The following CHD3 variants were observed in gnomAD, a reference collection of about 807,000 sequenced individuals.
The protein encoded by CHD3 is chromodomain helicase DNA binding protein 3.
CHD3 carries 52 observed loss-of-function variants against 248.9 expected under a neutral mutation model. That is an observed-to-expected ratio of 0.21 (90% CI 0.17 to 0.26). CHD3 has a LOEUF of 0.26. CHD3 is among the 10% of genes least tolerant of loss of function. The pLI, the probability that CHD3 is intolerant of heterozygous loss-of-function variation, is 1.00. For missense variants in CHD3, 1,482 were observed against 2,605.8 expected, an observed-to-expected ratio of 0.57 and a Z score of 9.39; for synonymous variants, 985 against 985.2, an observed-to-expected ratio of 1.00 and a Z score of 0.00.
In CHD3 at chr17:7,904,046, G is replaced by A. The variant is rs187467817; in HGVS notation, c.3894+55G>A. ...TATCCCAGGCCATCTCCAAAAGGCA[G>A]TATCCTTTACTCAGCCTTGAAGTAG... On this transcript the variant is annotated intron_variant, in intron 24 of 39. Coordinates refer to ENST00000330494, the MANE Select transcript of CHD3 (RefSeq NM_001005273.3). The surrounding 1 kb of genome is among the most constrained non-coding windows in gnomAD (Gnocchi z 4.4). The A allele has an allele frequency of 4.4e-6, 7 of 1,579,490 alleles. No homozygotes were observed. The highest frequency in any genetic ancestry group is 6.1e-6 in the Non-Finnish European group (7 of 1,155,358).
In CHD3 at chr17:7,895,042, C is replaced by T. The variant is rs759896915; in HGVS notation, c.1395C>T (p.Gly465=). 3.7e-6 allele frequency: 6 copies of T among 1,614,064 alleles called. No homozygotes were observed. The highest frequency in any genetic ancestry group is 2.2e-5 in the East Asian group (1 of 44,862). ...HMEYCRVCKD[G]GELLCCDACI... is the part of the protein sequence containing the mutation. Reference sequence around the variant, plus strand: ...AGTACTGCCGCGTATGCAAGGACGGCGGGGAGCTCCTGTGCTGTGACGCGT... The same window carrying T: ...AGTACTGCCGCGTATGCAAGGACGGTGGGGAGCTCCTGTGCTGTGACGCGT... The change falls in exon 9 of 40, where the codon GGC becomes GGT. Residue 465 remains glycine (G), a synonymous_variant. Coordinates refer to ENST00000330494, the MANE Select transcript of CHD3 (RefSeq NM_001005273.3). The surrounding 1 kb of genome is among the most constrained non-coding windows in gnomAD (Gnocchi z 4.9).
chr17:7,891,522 G>C (rs1448859813), intron 4 of CHD3, among the ~76,000 whole-genome samples: 1 of 152,148 alleles, frequency 6.6e-6, no homozygotes, highest in East Asian at 1.9e-4. Flanking sequence ...TGGGACCTGA[G>C]CTTCAGTGGC....
At chr17:7,885,102 TCC>T, upstream of CHD3, 1 of 953,852 alleles carries the variant, frequency 1.0e-6, no homozygotes, top group Non-Finnish European at 1.2e-6. Flanking sequence ...CCGCCCCGAC[TCC>T]CCCCCCAAGC....
chr17:7,889,019 G>C lies in CHD3; in HGVS notation c.19G>C (p.Val7Leu), dbSNP rs773279100. The C allele has an allele frequency of 1.2e-6, 2 of 1,614,250 alleles. No homozygotes were observed. Among genetic ancestry groups the C allele is most frequent in the Admixed American group, 3.3e-5 (2 of 60,036 alleles). The stretch of plus-strand genomic sequence containing the variant: ...CTGTGTGATGAAGGCGGCAGACACT[G>C]TGATCCTGTGGGCAAGAAGTAAAAA... Reference protein sequence around the residue: MKAADTVILWARSKNDQ... With the variant: MKAADTLILWARSKNDQ... Residue 7 changes from valine (V) to leucine (L), a missense_variant, in exon 1 of 40, where the codon GTG (valine) becomes CTG (leucine). Physicochemically the swap from Val to Leu is conservative, Grantham distance 32. Around this residue, in one of 20 missense-constraint regions of CHD3, gnomAD observed 169 missense variants for 168.1 expected, o/e 1.01. Transcript: ENST00000330494. This position sits in a 1 kb window ranked among gnomAD's most constrained non-coding sequence, Gnocchi z 4.5.
Position 7,905,685 on chromosome 17 carries a change from C to T in CHD3, c.4203C>T (p.Ala1401=). The change falls in exon 27 of 40, where the codon GCC becomes GCT. Residue 1401 remains alanine, a synonymous_variant. Coordinates refer to ENST00000330494, the MANE Select transcript of CHD3 (RefSeq NM_001005273.3). The surrounding 1 kb of genome is among the most constrained non-coding windows in gnomAD (Gnocchi z 5.8). Reference sequence around the variant, plus strand: ...ATAAGCCACTGCCTCCACTGCTGGCCCGAGTCGGGGGCAACATTGAGGTGA... The same window carrying T: ...ATAAGCCACTGCCTCCACTGCTGGCTCGAGTCGGGGGCAACATTGAGGTGA... ...EKDKPLPPLL[A]RVGGNIEVLG... is the part of the protein sequence containing the mutation. The T allele has an allele frequency of 6.2e-7, 1 of 1,611,858 alleles. No homozygotes were observed. The highest frequency in any genetic ancestry group is 8.5e-7 in the Non-Finnish European group (1 of 1,178,696).
chr17:7,911,689 G>A lies in CHD3; in HGVS notation c.*104G>A. The A allele has an allele frequency of 6.3e-7, 1 of 1,586,628 alleles. No individual in the cohort carries two copies. Among genetic ancestry groups the A allele is most frequent in the South Asian group, 1.1e-5 (1 of 88,516 alleles). ...GCCCTCCACCTTCCCCACCCCTTGG[G>A]CCATCACTGGGCTAGGAACCCCTTT... is the stretch of plus-strand genomic sequence containing the variant. On this transcript the variant is annotated 3_prime_UTR_variant, in exon 40 of 40. Coordinates refer to ENST00000330494, the MANE Select transcript of CHD3 (RefSeq NM_001005273.3). This position sits in a 1 kb window ranked among gnomAD's most constrained non-coding sequence, Gnocchi z 5.4.
At position 7,902,672 on chromosome 17, in the gene CHD3, C is replaced by T. The variant is rs755082550; in HGVS notation, c.3315C>T (p.Arg1105=). Residue 1105 remains arginine (R), a synonymous_variant, in exon 21 of 40, where the codon CGC becomes CGT. Transcript: ENST00000330494. The part of the protein sequence containing the change: ...FLDYEGYKYE[R]IDGGITGALR... ...ACTATGAAGGCTACAAGTATGAGCGCATCGATGGTGGTATCACGGGTGCCC... is the reference window on the plus strand; with the variant it reads ...ACTATGAAGGCTACAAGTATGAGCGTATCGATGGTGGTATCACGGGTGCCC... The T allele has an allele frequency of 1.9e-6, 3 of 1,614,082 alleles. No individual in the cohort carries two copies. Among genetic ancestry groups the T allele is most frequent in the South Asian group, 2.2e-5 (2 of 91,080 alleles).
At position 7,895,276 on chromosome 17, in the gene CHD3, C is replaced by A; in HGVS notation, c.1504-63C>A. 2 of 1,594,334 alleles carry A rather than the reference C, an allele frequency of 1.3e-6. No individual in the cohort carries two copies. The highest frequency in any genetic ancestry group is 4.5e-5 in the East Asian group (2 of 44,728). On this transcript the variant is annotated intron_variant, in intron 9 of 39. Transcript: ENST00000330494. This position sits in a 1 kb window ranked among gnomAD's most constrained non-coding sequence, Gnocchi z 4.9. The stretch of plus-strand genomic sequence containing the variant: ...CACCCTTGTGGGACCCCTATCTTCT[C>A]ATCTAACAATGGGTTCTTTCTGCCT...
Position 7,908,031 on chromosome 17 carries a change from T to A in CHD3, c.5152+12T>A, listed in dbSNP as rs760046263. 1 of 1,587,330 alleles carries A rather than the reference T, an allele frequency of 6.3e-7. No individual in the cohort carries two copies. Among genetic ancestry groups the A allele is most frequent in the Non-Finnish European group, 8.6e-7 (1 of 1,162,000 alleles). ...TGGTGGCTTCACAGGTTGGGGAGACTCTCGCTGCTTTCTGCTCCTCAAGGG... is the reference window on the plus strand; with the variant it reads ...TGGTGGCTTCACAGGTTGGGGAGACACTCGCTGCTTTCTGCTCCTCAAGGG... On this transcript the variant is annotated intron_variant, in intron 34 of 39. Coordinates refer to ENST00000330494, the MANE Select transcript of CHD3 (RefSeq NM_001005273.3). The surrounding 1 kb of genome is among the most constrained non-coding windows in gnomAD (Gnocchi z 5.8).
At position 7,911,816 on chromosome 17, in the gene CHD3, G is replaced by A; in HGVS notation, c.*231G>A. 7.5e-7 allele frequency: 1 copy of A among 1,340,562 alleles called. No individual in the cohort carries two copies. 83.0% of individuals were successfully genotyped at this position (1,340,562 alleles called of 1,614,324 possible). On this transcript the variant is annotated 3_prime_UTR_variant, in exon 40 of 40. Transcript: ENST00000330494. The surrounding 1 kb of genome is among the most constrained non-coding windows in gnomAD (Gnocchi z 5.4). Reference sequence around the variant, plus strand: ...TTGAAGACTGTGCTGGTGAGAAGAAGTCTGGGTGGGAGATGGCTGGCAGGG... The same window carrying A: ...TTGAAGACTGTGCTGGTGAGAAGAAATCTGGGTGGGAGATGGCTGGCAGGG...
In CHD3 at chr17:7,899,231, C is replaced by A; in HGVS notation, c.2343+29C>A. 1.2e-6 allele frequency: 2 copies of A among 1,606,162 alleles called. No individual in the cohort carries two copies. Among genetic ancestry groups the A allele is most frequent in the South Asian group, 2.2e-5 (2 of 90,932 alleles). ...CTGGATTCTAGGACCTTGAAGGGGA[C>A]CGCCTGGACTGGGGAAGTGGGGAGG... is the stretch of plus-strand genomic sequence containing the variant. On this transcript the variant is annotated intron_variant, in intron 14 of 39. Transcript: ENST00000330494. This position sits in a 1 kb window ranked among gnomAD's most constrained non-coding sequence, Gnocchi z 6.8.
rs1280506667 is a variant in CHD3 at position 7,907,413 on chromosome 17, C to G, written c.4849C>G (p.Leu1617Val). The G allele has an allele frequency of 1.2e-6, 2 of 1,611,428 alleles. No homozygotes were observed. Among genetic ancestry groups the G allele is most frequent in the East Asian group, 2.2e-5 (1 of 44,862 alleles). The change falls in exon 32 of 40, where the codon CTA (leucine) becomes GTA (valine). Residue 1617 changes from leucine (L) to valine (V), a missense_variant. Leu to Val is a conservative substitution (Grantham distance 32). Coordinates refer to ENST00000330494, the MANE Select transcript of CHD3 (RefSeq NM_001005273.3). The surrounding 1 kb of genome is among the most constrained non-coding windows in gnomAD (Gnocchi z 4.3). ...GCGGCTGGAGCCAAGGAAGATTCCT[C>G]TAGAGGATGAGGTGCCAGGGGTGCC... ...GERLEPRKIPLEDEVPGVPGE... is the reference protein window; with the variant it reads ...GERLEPRKIPVEDEVPGVPGE...
chr17:7,898,683 TC>T, intron 13 of CHD3, 88 bp downstream of exon 13: 1 of 968,108 alleles, frequency 1.0e-6, no homozygotes, highest in Non-Finnish European at 1.6e-6. Flanking sequence ...TCCCAGAGAT[TC>T]AGTAACCTCT....
chr17:7,899,873 AT>A lies in CHD3; in HGVS notation c.2545-22del. ...TGCATGGTTGTCAGGTGGCAGCTGA[AT>A]GGGCAATAATTATGTTGGCAGAGGG... On this transcript the variant is annotated intron_variant, in intron 15 of 39. Transcript: ENST00000330494. The surrounding 1 kb of genome is among the most constrained non-coding windows in gnomAD (Gnocchi z 6.8). The A allele has an allele frequency of 6.2e-7, 1 of 1,607,454 alleles. No individual in the cohort carries two copies. Among genetic ancestry groups the A allele is most frequent in the South Asian group, 1.1e-5 (1 of 90,882 alleles).
At chr17:7,885,995 C>G (rs1419615596), upstream of CHD3, among the ~76,000 whole-genome samples, 1 of 152,016 alleles carries the variant, frequency 6.6e-6, no homozygotes, top group East Asian at 1.9e-4. Context: ...GGGCTCTGGG[C>G]TCTTTTGTGT....
rs1276154307 is a variant in CHD3, at chr17:7,901,288, T to C, written c.3165T>C (p.Leu1055=). The C allele has an allele frequency of 6.2e-7, 1 of 1,613,672 alleles. No individual in the cohort carries two copies. The highest frequency in any genetic ancestry group is 8.5e-7 in the Non-Finnish European group (1 of 1,179,742). ...GTGGGGCTTATGAGGGTGGGGCACT[T>C]ATTAAGTCGTCTGGGAAGCTCATGC... ...LPSGAYEGGA[L]IKSSGKLMLL... is the part of the protein sequence containing the mutation. Residue 1055 remains leucine, a synonymous_variant, in exon 20 of 40, where the codon CTT becomes CTC. Coordinates refer to ENST00000330494, the MANE Select transcript of CHD3 (RefSeq NM_001005273.3).
At chr17:7,890,438 AAAG>A in intron 2 of CHD3, 130 bp from the exon 3 acceptor site, 1 of 678,632 alleles carries the variant, frequency 1.5e-6, no homozygotes, top group Non-Finnish European at 2.4e-6. Context: ...CCAAAAAAAA[AAAG>A]GAGATAAAAA....
chr17:7,896,396 CTTTTTTTTTCTATTT>C (rs1969657444), intron 10 of CHD3, among the ~76,000 whole-genome samples: 1 of 146,038 alleles, frequency 6.8e-6, no homozygotes, highest in Non-Finnish European at 1.5e-5. Context: ...CATCCTTTTT[CTTTTTTTTTCTATTT>C]TTTTTTTTTT....
chr17:7,907,393 T>C lies in CHD3; in HGVS notation c.4829T>C (p.Leu1610Pro), dbSNP rs771073572. Residue 1610 changes from leucine (L) to proline (P), a missense_variant, in exon 32 of 40, where the codon CTG (leucine) becomes CCG (proline). By Grantham distance (98) the Leu-to-Pro change is moderately conservative. Transcript: ENST00000330494. This position sits in a 1 kb window ranked among gnomAD's most constrained non-coding sequence, Gnocchi z 4.3. ...PSPAPSLGER[L>P]EPRKIPLEDE... ...CCAGCCCCATCACTTGGGGAGCGGC[T>C]GGAGCCAAGGAAGATTCCTCTAGAG... is the stretch of plus-strand genomic sequence containing the variant. The C allele has an allele frequency of 3.9e-5, 63 of 1,609,690 alleles. No homozygotes were observed. Among genetic ancestry groups the C allele is most frequent in the Non-Finnish European group, 5.3e-5 (62 of 1,177,776 alleles).
Sources: allele counts gnomAD v4.1 joint callset (sites outside exome capture counted in the v4.1 genomes callset), GRCh38; gene constraint gnomAD v4.1.1; regional missense constraint gnomAD v4.1.1; non-coding constraint Gnocchi (gnomAD v3.1); transcripts MANE v1.5; gene names NCBI Gene and HGNC (gene_info 2026-07-23, HGNC 2026-07-21).